Variants in PRDM5 observed in about 807,000 individuals in gnomAD.
PRDM5 encodes the protein PR/SET domain 5.
Under a neutral mutation model 81.2 loss-of-function variants are expected in PRDM5, and 56 were observed. The ratio of observed to expected loss-of-function variants is 0.69; its 90% CI spans 0.56 to 0.86. The LOEUF (loss-of-function observed/expected upper bound fraction) is 0.86. Ranked by LOEUF, PRDM5 falls within the 40% of genes least tolerant of loss-of-function variation. The probability of loss-of-function intolerance (pLI) is 0.00; values close to 1 mark genes in which losing one functional copy is unlikely to be tolerated. For synonymous variants in PRDM5, 267 were observed against 256.4 expected (o/e 1.04, Z -0.39); for missense variants, 697 against 770.1 (o/e 0.91, Z 1.12).
At chr4:120,874,273 G>A (rs343203) in intron 2 of PRDM5, among the ~76,000 whole-genome samples, 64,996 of 151,954 alleles carry the variant, frequency 0.43, 14,137 homozygotes, top group Non-Finnish European at 0.47. Flanking sequence ...CCAAAGTCCA[G>A]CAGCTTCTAT....
chr4:120,716,162 C>G (rs1398938636), intron 14 of PRDM5, among the ~76,000 whole-genome samples: 1 of 152,148 alleles, frequency 6.6e-6, no homozygotes, highest in Non-Finnish European at 1.5e-5. Context: ...TGATATTTTT[C>G]ACATGTTTAT....
At chr4:120,783,795 C>T (rs990783139) in intron 11 of PRDM5, among the ~76,000 whole-genome samples, 2 of 152,006 alleles carry the variant, frequency 1.3e-5, no homozygotes, top group Non-Finnish European at 2.9e-5. Flanking sequence ...CATAACACTG[C>T]CTTTTTTTAC....
chr4:120,808,881 C>T (rs528568228), intron 8 of PRDM5, among the ~76,000 whole-genome samples: 4 of 152,330 alleles, frequency 2.6e-5, no homozygotes, highest in Non-Finnish European at 2.9e-5. Context: ...ACCTAGCCCA[C>T]GCCCACCTGG....
intron 2 of PRDM5, among the ~76,000 whole-genome samples, chr4:120,892,193 G>T (rs927828171): frequency 2.0e-5 from 3 of 150,960 alleles, no homozygotes; most frequent in African/African-American, 7.3e-5. Flanking sequence ...TGATTTTAGG[G>T]TTTTTTTTTC....
intron 13 of PRDM5, among the ~76,000 whole-genome samples, chr4:120,759,472 G>T (rs919876847): frequency 1.3e-5 from 2 of 152,162 alleles, no homozygotes; most frequent in African/African-American, 4.8e-5. Context: ...TACCTGTACA[G>T]TCAACAGGTT....
At chr4:120,846,199 T>C (rs1284318622) in intron 3 of PRDM5, among the ~76,000 whole-genome samples, 1 of 152,220 alleles carries the variant, frequency 6.6e-6, no homozygotes, top group East Asian at 1.9e-4. Flanking sequence ...ACTTATCTGA[T>C]AAAGCAACAG....
In PRDM5 at chr4:120,745,543, A is replaced by C. The variant is rs1208838884; in HGVS notation, c.1623+9010T>G. The stretch of plus-strand genomic sequence containing the variant: ...TATATCTAGAAAACCCCATCGTCTC[A>C]GCCCAAAATCTCCTTAAGCTGATAA... On this transcript the variant is annotated intron_variant, in intron 14 of 15. Coordinates refer to ENST00000264808, the MANE Select transcript of PRDM5 (RefSeq NM_018699.4). Among the ~76,000 whole-genome samples the C allele has an allele frequency of 2.0e-5, 3 of 149,714 alleles. No individual in the cohort carries two copies. The East Asian group carries it at 5.8e-4, about 29-fold the overall frequency.
intron 4 of PRDM5, among the ~76,000 whole-genome samples, chr4:120,819,706 A>C (rs576967541): frequency 1.3e-5 from 2 of 152,292 alleles, no homozygotes; most frequent in East Asian, 1.9e-4. Context: ...TTTTAAATTA[A>C]AATAATGGAT....
intron 14 of PRDM5, among the ~76,000 whole-genome samples, chr4:120,739,617 CT>C (rs1720636872): frequency 6.6e-6 from 1 of 151,964 alleles, no homozygotes; most frequent in South Asian, 2.1e-4. Context: ...GTCTATTTTC[CT>C]ATGGGATAAT....
intron 1 of PRDM5, among the ~76,000 whole-genome samples, chr4:120,920,094 G>T (rs1014473853): frequency 1.3e-5 from 2 of 152,152 alleles, no homozygotes; most frequent in African/African-American, 4.8e-5. Flanking sequence ...ACGAAAAGGG[G>T]TAGGACTAGA....
intron 2 of PRDM5, among the ~76,000 whole-genome samples, chr4:120,872,671 T>C (rs555833896): frequency 5.4e-4 from 82 of 152,234 alleles, no homozygotes; most frequent in African/African-American, 1.9e-3. Context: ...GGAGGATGGC[T>C]TGAGCACAGG....
intron 10 of PRDM5, among the ~76,000 whole-genome samples, chr4:120,794,908 G>A (rs369140803): frequency 7.2e-5 from 11 of 152,160 alleles, no homozygotes; most frequent in Admixed American, 5.2e-4. Flanking sequence ...TTACAGGCAT[G>A]AGCCACCACA....
intron 8 of PRDM5, among the ~76,000 whole-genome samples, chr4:120,801,957 TTTG>T (rs201770546): frequency 6.6e-4 from 99 of 149,676 alleles, no homozygotes; most frequent in African/African-American, 2.2e-3. Context: ...AATGAAAACT[TTTG>T]TTATCATTTT....
intron 2 of PRDM5, chr4:120,895,577 A>C (rs1764523740): frequency 6.6e-6 from 1 of 152,350 alleles, no homozygotes; most frequent in African/African-American, 2.4e-5. Context: ...CATCTTCTTC[A>C]TCAAAATATG....
intron 8 of PRDM5, among the ~76,000 whole-genome samples, chr4:120,809,647 A>AG (rs1206901513): frequency 6.6e-6 from 1 of 152,220 alleles, no homozygotes; most frequent in Admixed American, 6.5e-5. Context: ...TTAAGATACT[A>AG]GACTATAGTA....
At chr4:120,888,512 A>G (rs1261925880) in intron 2 of PRDM5, among the ~76,000 whole-genome samples, 2 of 152,220 alleles carry the variant, frequency 1.3e-5, no homozygotes, top group African/African-American at 4.8e-5. Flanking sequence ...TTGTCCATTT[A>G]CTAGTATACG....
At chr4:120,851,872 G>C (rs1350880041) in intron 3 of PRDM5, among the ~76,000 whole-genome samples, 6 of 152,120 alleles carry the variant, frequency 3.9e-5, no homozygotes. Context: ...GAAGCTTCTT[G>C]AACAGTGTAC....
At chr4:120,898,077 A>G (rs994255436) in intron 2 of PRDM5, among the ~76,000 whole-genome samples, 35 of 152,186 alleles carry the variant, frequency 2.3e-4, no homozygotes, top group African/African-American at 8.4e-4. Context: ...GAGTAGATTT[A>G]CCCTGTTTTC....
intron 7 of PRDM5, 48 bp from the exon 8 acceptor site, chr4:120,811,497 A>G: frequency 8.2e-7 from 1 of 1,221,718 alleles, no homozygotes; most frequent in Non-Finnish European, 1.2e-6. Flanking sequence ...GACTATTAAG[A>G]GGAAAAACAA....
Sources: allele counts gnomAD v4.1 joint callset (sites outside exome capture counted in the v4.1 genomes callset), GRCh38; gene constraint gnomAD v4.1.1; transcripts MANE v1.5; gene names NCBI Gene and HGNC (gene_info 2026-07-23, HGNC 2026-07-21).